PPP2R2B: variants seen among roughly 807,000 people sequenced by gnomAD.
PPP2R2B encodes the protein serine/threonine-protein phosphatase 2A 55 kDa regulatory subunit B beta isoform.
In PPP2R2B, 5 loss-of-function variants were observed where a neutral mutation model predicts 46.0. The ratio of observed to expected loss-of-function variants is 0.11; its 90% CI spans 0.06 to 0.23. PPP2R2B has a LOEUF of 0.23. Among genes scored for constraint, PPP2R2B ranks in the 10% least tolerant of loss-of-function variants. The pLI, the probability that PPP2R2B is intolerant of heterozygous loss-of-function variation, is 1.00. For synonymous variants in PPP2R2B, 215 were observed against 206.7 expected (o/e 1.04, Z -0.34); for missense variants, 367 against 575.0 (o/e 0.64, Z 3.70).
intron 2 of PPP2R2B, among the ~76,000 whole-genome samples, chr5:146,744,005 A>C (rs1753029515): frequency 6.6e-6 from 1 of 152,218 alleles, no homozygotes; most frequent in Non-Finnish European, 1.5e-5. Flanking sequence ...GCATTAAGTT[A>C]AGCCAAGTGT....
At chr5:146,687,760 C>T (rs1448465081) in intron 5 of PPP2R2B, among the ~76,000 whole-genome samples, 1 of 152,094 alleles carries the variant, frequency 6.6e-6, no homozygotes, top group East Asian at 1.9e-4. Context: ...AAGATATAGT[C>T]ACATTCTTGC....
chr5:146,935,746 G>T (rs1278508627), intron 1 of PPP2R2B, among the ~76,000 whole-genome samples: 1 of 152,184 alleles, frequency 6.6e-6, no homozygotes, highest in Non-Finnish European at 1.5e-5. Flanking sequence ...TATGTCTTCA[G>T]TGTAAAGTTT....
At chr5:146,602,250 A>G (rs538526061) in intron 7 of PPP2R2B, among the ~76,000 whole-genome samples, 1 of 152,170 alleles carries the variant, frequency 6.6e-6, no homozygotes, top group Non-Finnish European at 1.5e-5. Flanking sequence ...AGTTTGTTTT[A>G]TCTCTTCAAC....
At chr5:146,813,274 C>T (rs1456117884) in intron 2 of PPP2R2B, among the ~76,000 whole-genome samples, 1 of 151,886 alleles carries the variant, frequency 6.6e-6, no homozygotes, top group East Asian at 1.9e-4. Context: ...ACACATACCT[C>T]ACATACCAAT....
At chr5:146,808,231 A>G (rs959312813) in intron 2 of PPP2R2B, among the ~76,000 whole-genome samples, 3 of 152,208 alleles carry the variant, frequency 2.0e-5, no homozygotes, top group African/African-American at 7.2e-5. Flanking sequence ...AGTGATTCAA[A>G]TTTAAATTAA....
At chr5:146,806,188 C>T (rs936923712) in intron 2 of PPP2R2B, among the ~76,000 whole-genome samples, 26 of 152,264 alleles carry the variant, frequency 1.7e-4, no homozygotes, top group Admixed American at 1.2e-3. Context: ...AGCAGAAACA[C>T]GCCTTTATGC....
At chr5:146,992,195 C>G (rs1273754565) in intron 1 of PPP2R2B, among the ~76,000 whole-genome samples, 1 of 152,040 alleles carries the variant, frequency 6.6e-6, no homozygotes, top group Non-Finnish European at 1.5e-5. Flanking sequence ...GAATAGATAG[C>G]CCAGAAATGA....
chr5:146,630,275 G>T (rs1036604127), intron 7 of PPP2R2B, among the ~76,000 whole-genome samples: 1 of 152,150 alleles, frequency 6.6e-6, no homozygotes, highest in African/African-American at 2.4e-5. Flanking sequence ...TAATTCAAAG[G>T]CTTTGCCACA....
At chr5:146,650,038 G>A (rs1285991858) in intron 6 of PPP2R2B, among the ~76,000 whole-genome samples, 1 of 152,066 alleles carries the variant, frequency 6.6e-6, no homozygotes, top group African/African-American at 2.4e-5. Context: ...ATTATAATAT[G>A]TACTTTTCTA....
At chr5:146,775,570 A>G (rs1318798461) in intron 2 of PPP2R2B, among the ~76,000 whole-genome samples, 1 of 152,168 alleles carries the variant, frequency 6.6e-6, no homozygotes, top group Non-Finnish European at 1.5e-5. Flanking sequence ...TATATTCAAC[A>G]AAGATGCCTG....
At chr5:146,724,680 A>G (rs554279221) in intron 2 of PPP2R2B, among the ~76,000 whole-genome samples, 221 of 152,294 alleles carry the variant, frequency 1.5e-3, no homozygotes, top group South Asian at 8.7e-3. Flanking sequence ...ATCACATCCC[A>G]TTAACACGGT....
intron 2 of PPP2R2B, among the ~76,000 whole-genome samples, chr5:146,877,797 T>A (rs1761983627): frequency 6.6e-6 from 1 of 152,144 alleles, no homozygotes; most frequent in Admixed American, 6.5e-5. Flanking sequence ...GGGCGCCGGG[T>A]CCACCTGCTG....
At chr5:146,872,923 G>C (rs191974089) in intron 2 of PPP2R2B, among the ~76,000 whole-genome samples, 1 of 152,076 alleles carries the variant, frequency 6.6e-6, no homozygotes, top group Admixed American at 6.5e-5. Flanking sequence ...CTTATCTGAG[G>C]CATCTCATCT....
intron 2 of PPP2R2B, among the ~76,000 whole-genome samples, chr5:146,868,697 T>A (rs984384087): frequency 1.1e-4 from 17 of 152,224 alleles, no homozygotes; most frequent in Non-Finnish European, 2.4e-4. Flanking sequence ...CATTTTCAAA[T>A]CCTTGGTAGA....
At position 146,861,609 on chromosome 5, in the gene PPP2R2B, C is replaced by A. The variant is rs182315144; in HGVS notation, c.70+16393G>T. Among the ~76,000 whole-genome samples the A allele has an allele frequency of 3.4e-4, 52 of 152,258 alleles. 1 individual carries two copies. Among genetic ancestry groups the A allele is most frequent in the Middle Eastern group, 3.4e-3 (1 of 294 alleles). Reference sequence around the variant, plus strand: ...GAATTGTTTCTCACCACAATGGCAGCCTTACTGTTTTTATTATATAAACAA... The same window carrying A: ...GAATTGTTTCTCACCACAATGGCAGACTTACTGTTTTTATTATATAAACAA... On this transcript the variant is annotated intron_variant, in intron 2 of 9. Transcript: ENST00000394411.
chr5:146,975,537 G>A (rs1042235723), intron 1 of PPP2R2B, among the ~76,000 whole-genome samples: 2 of 152,162 alleles, frequency 1.3e-5, no homozygotes, highest in African/African-American at 4.8e-5. Context: ...TGGAATGGCT[G>A]GATCATATGG....
At position 147,003,296 on chromosome 5, in the gene PPP2R2B, C is replaced by T. The variant is rs138690821; in HGVS notation, c.79+52369G>A. Among the ~76,000 whole-genome samples, 310 of 152,180 alleles carry T rather than the reference C, an allele frequency of 2.0e-3. 6 individuals are homozygous for T. In the East Asian group the frequency reaches 0.03, roughly 15 times the overall value. On this transcript the variant is annotated intron_variant, in intron 1 of 8. Coordinates refer to the PPP2R2B transcript ENST00000336640. ...CAGAAGGAAATAAGCAAAGAAATTT[C>T]CAAAGGACCAAAAAAACCCCCGGGC... is the stretch of plus-strand genomic sequence containing the variant.
chr5:147,040,708 A>G, intron 1 of PPP2R2B: 1 of 445,044 alleles, frequency 2.2e-6, no homozygotes, highest in African/African-American at 2.0e-5. Flanking sequence ...TGAGGAAGGT[A>G]GCACTTACGA....
Position 146,812,822 on chromosome 5 carries a change from TATATATAC to T in PPP2R2B, c.70+65172_70+65179del, listed in dbSNP as rs1205336375. On this transcript the variant is annotated intron_variant, in intron 2 of 9. Coordinates refer to ENST00000394411, the MANE Select transcript of PPP2R2B (RefSeq NM_181675.4). Reference sequence around the variant, plus strand: ...ATATATATATATATATATATATATATATATATACACACACATTTCCATTATAAAACCAT... The same window carrying T: ...ATATATATATATATATATATATATATACACACATTTCCATTATAAAACCAT... Among the ~76,000 whole-genome samples the T allele has an allele frequency of 3.3e-4, 30 of 90,714 alleles. 1 individual carries two copies. The highest frequency in any genetic ancestry group is 2.4e-3 in the East Asian group (7 of 2,974). The allele number at this position is 90,714 out of a possible 152,430, so 59.5% of individuals were successfully genotyped here. A position where few individuals can be genotyped will look rare whatever the true frequency, so the allele number is the denominator to read the frequency against.
Sources: allele counts gnomAD v4.1 joint callset (sites outside exome capture counted in the v4.1 genomes callset), GRCh38; gene constraint gnomAD v4.1.1; transcripts MANE v1.5; gene names NCBI Gene and HGNC (gene_info 2026-07-23, HGNC 2026-07-21).